The following DENND5A variants were observed in gnomAD, a reference collection of about 807,000 sequenced individuals.
DENND5A encodes the protein DENN domain-containing protein 5A.
A neutral mutation model predicts 140.3 loss-of-function variants in DENND5A; 64 were observed. The observed-to-expected ratio is 0.46, with a 90% CI of 0.37 to 0.56. The LOEUF (loss-of-function observed/expected upper bound fraction) is 0.56. Among genes scored for constraint, DENND5A ranks in the 20% least tolerant of loss-of-function variants. The pLI is 0.00. For missense variants in DENND5A, 1,292 were observed against 1,593.8 expected (o/e 0.81, Z 3.22); for synonymous variants, 605 against 607.7 (o/e 1.00, Z 0.07).
intron 1 of DENND5A, among the ~76,000 whole-genome samples, chr11:9,233,634 A>C (rs933086958): frequency 6.6e-6 from 1 of 152,096 alleles, no homozygotes; most frequent in Non-Finnish European, 1.5e-5. Flanking sequence ...ATAGACACAG[A>C]GGAAAAGATA....
chr11:9,212,264 G>T (rs1448672434), intron 1 of DENND5A, among the ~76,000 whole-genome samples: 1 of 152,144 alleles, frequency 6.6e-6, no homozygotes, highest in Non-Finnish European at 1.5e-5. Context: ...GGCAGCAGGA[G>T]AGAGGACCTC....
In DENND5A at chr11:9,139,870, C is replaced by G; in HGVS notation, c.3681-16G>C. 1 of 1,611,780 alleles carries G rather than the reference C, an allele frequency of 6.2e-7. No individual in the cohort carries two copies. The highest frequency in any genetic ancestry group is 1.3e-5 in the African/African-American group (1 of 74,992). On this transcript the variant is annotated splice_polypyrimidine_tract_variant and intron_variant, in intron 22 of 22. Transcript: ENST00000328194. ...GAGGTGATCTCTGGCAGAGCGGGAG[C>G]AGTCCAGGCAGGTCAGAGGGGCAAA... is the stretch of plus-strand genomic sequence containing the variant.
intron 1 of DENND5A, among the ~76,000 whole-genome samples, chr11:9,224,393 T>G (rs1850447675): frequency 6.6e-6 from 1 of 152,168 alleles, no homozygotes. Context: ...ATTCCTAGTC[T>G]CACCTCCCAA....
At chr11:9,146,837 C>G (rs1392813789) in intron 16 of DENND5A, 193 bp downstream of exon 16, 2 of 608,584 alleles carry the variant, frequency 3.3e-6, no homozygotes, top group South Asian at 4.3e-5. Context: ...CAGTTCAGAA[C>G]AAGAATGAGA....
At chr11:9,205,540 C>G (rs923988266) in intron 3 of DENND5A, among the ~76,000 whole-genome samples, 10 of 152,130 alleles carry the variant, frequency 6.6e-5, no homozygotes, top group African/African-American at 2.4e-4. Context: ...CCCTACTTCA[C>G]AGGGTTTTTG....
rs534015009 is a variant in DENND5A at position 9,155,531 on chromosome 11, C to G, written c.2437-3089G>C. On this transcript the variant is annotated intron_variant, in intron 12 of 22. Transcript: ENST00000328194. The stretch of plus-strand genomic sequence containing the variant: ...AGCAGCAGCTGGGCTGCTCTTTGGT[C>G]TTTCTAGTTCAAGAGACATGGCCTA... Among the ~76,000 whole-genome samples, 287 of 152,282 alleles carry G rather than the reference C, an allele frequency of 1.9e-3. 2 individuals carry two copies. Among genetic ancestry groups the G allele is most frequent in the African/African-American group, 6.7e-3 (280 of 41,562 alleles).
intron 5 of DENND5A, among the ~76,000 whole-genome samples, chr11:9,186,819 G>A (rs1406303890): frequency 1.3e-5 from 2 of 152,264 alleles, no homozygotes; most frequent in Middle Eastern, 3.4e-3. Flanking sequence ...GGTGGCTCAC[G>A]CCTGTAATCC....
At chr11:9,167,623 C>A (rs111230856) in intron 10 of DENND5A, among the ~76,000 whole-genome samples, 2,278 of 151,770 alleles carry the variant, frequency 0.015, 52 homozygotes, top group African/African-American at 0.051. Context: ...ACCAAAAATA[C>A]AAAAAAGACC....
At chr11:9,212,942 C>G (rs1342021641) in intron 1 of DENND5A, among the ~76,000 whole-genome samples, 1 of 149,986 alleles carries the variant, frequency 6.7e-6, no homozygotes, top group African/African-American at 2.5e-5. Context: ...CCCAAGAATT[C>G]TTATGGTGAT....
intron 5 of DENND5A, among the ~76,000 whole-genome samples, chr11:9,188,229 T>C (rs1205781302): frequency 1.3e-5 from 2 of 152,194 alleles, no homozygotes; most frequent in African/African-American, 4.8e-5. Context: ...AGCTCTCTCT[T>C]TGCCTGCTGC....
chr11:9,187,277 A>G (rs142323689), intron 5 of DENND5A, among the ~76,000 whole-genome samples: 5 of 152,182 alleles, frequency 3.3e-5, no homozygotes, highest in African/African-American at 9.7e-5. Context: ...CTCCTTCCTC[A>G]GCTGACGAGG....
rs1441880158 is a variant in DENND5A at position 9,203,863 on chromosome 11, T to A, written c.746A>T (p.Tyr249Phe). 1 of 1,614,122 alleles carries A rather than the reference T, an allele frequency of 6.2e-7. No homozygotes were observed. The highest frequency in any genetic ancestry group is 8.5e-7 in the Non-Finnish European group (1 of 1,180,008). Reference protein sequence around the residue: ...PLESYIYNVLYEVPLPPPGRS... With the variant: ...PLESYIYNVLFEVPLPPPGRS... ...GCCAGGAGGTGGGAGCGGCACCTCG[T>A]AGAGTACGTTGTATATGTAGCTCTC... is the stretch of plus-strand genomic sequence containing the variant. The change falls in exon 4 of 23, where the codon TAC becomes TTC. Residue 249 changes from tyrosine to phenylalanine, a missense_variant. Tyr to Phe is a conservative substitution (Grantham distance 22). Coordinates refer to ENST00000328194, the MANE Select transcript of DENND5A (RefSeq NM_015213.4).
At chr11:9,187,021 T>C (rs900413632) in intron 5 of DENND5A, among the ~76,000 whole-genome samples, 13 of 151,982 alleles carry the variant, frequency 8.6e-5, no homozygotes, top group African/African-American at 2.2e-4. Flanking sequence ...GAAGCAGAGG[T>C]TGCAGTGAGC....
At chr11:9,149,679 T>C (rs910582433) in intron 15 of DENND5A, among the ~76,000 whole-genome samples, 1 of 151,972 alleles carries the variant, frequency 6.6e-6, no homozygotes, top group Admixed American at 6.5e-5. Flanking sequence ...GTATGATGTG[T>C]TGAACAAGAG....
chr11:9,220,216 T>A (rs528694176), intron 1 of DENND5A, among the ~76,000 whole-genome samples: 2 of 152,302 alleles, frequency 1.3e-5, no homozygotes, highest in Admixed American at 6.5e-5. Context: ...TCTTATAAAT[T>A]GCAAAAAATG....
chr11:9,229,327 G>C (rs1386584045), intron 1 of DENND5A, among the ~76,000 whole-genome samples: 1 of 152,022 alleles, frequency 6.6e-6, no homozygotes, highest in African/African-American at 2.4e-5. Flanking sequence ...GGTGTCAGAG[G>C]TGTAATGCAT....
At chr11:9,188,513 T>C (rs762644520) in intron 5 of DENND5A, among the ~76,000 whole-genome samples, 1 of 152,006 alleles carries the variant, frequency 6.6e-6, no homozygotes. Context: ...GACAGGAAAA[T>C]GTGGGAAAGT....
At chr11:9,216,796 T>C (rs1240689170) in intron 1 of DENND5A, among the ~76,000 whole-genome samples, 2 of 152,144 alleles carry the variant, frequency 1.3e-5, no homozygotes, top group Admixed American at 1.3e-4. Flanking sequence ...TGCTTGAGCC[T>C]GGGAGATTGA....
chr11:9,149,774 A>C (rs1200507450), intron 15 of DENND5A, among the ~76,000 whole-genome samples: 2 of 152,226 alleles, frequency 1.3e-5, no homozygotes, highest in Admixed American at 1.3e-4. Flanking sequence ...GAAACGCCTT[A>C]TGTCCAAGAG....
Sources: gnomAD v4.1 joint callset for allele counts (sites outside exome capture counted in the v4.1 genomes callset) on GRCh38, gnomAD v4.1.1 for gene constraint, MANE v1.5 for transcripts, NCBI Gene and HGNC (gene_info 2026-07-23, HGNC 2026-07-21) for gene names.